Variants in KLF12 observed in about 807,000 individuals in gnomAD.
The protein encoded by KLF12 is KLF transcription factor 12, also known as Krueppel-like factor 12.
A neutral mutation model predicts 37.8 loss-of-function variants in KLF12; 9 were observed. That is an observed-to-expected ratio of 0.24 (90% CI 0.14 to 0.42). The LOEUF (loss-of-function observed/expected upper bound fraction) is 0.42, where lower values mean the gene tolerates loss of function less well. KLF12 is among the 10% of genes least tolerant of loss of function. The pLI, the probability that KLF12 is intolerant of heterozygous loss-of-function variation, is 1.00. For missense variants in KLF12, 411 were observed against 516.0 expected (o/e 0.80, Z 1.97); for synonymous variants, 208 against 202.1 (o/e 1.03, Z -0.25).
chr13:73,754,213 C>G (rs144494518), intron 6 of KLF12, among the ~76,000 whole-genome samples: 1 of 152,226 alleles, frequency 6.6e-6, no homozygotes, highest in African/African-American at 2.4e-5. Context: ...TCTTGCTACC[C>G]AGGCTTCTTT....
intron 3 of KLF12, among the ~76,000 whole-genome samples, chr13:73,911,958 T>C (rs1481736428): frequency 6.6e-6 from 1 of 152,216 alleles, no homozygotes; most frequent in African/African-American, 2.4e-5. Context: ...TAGAATAGGA[T>C]GTGTCCAGGG....
At chr13:73,750,135 A>C (rs1268662228) in intron 6 of KLF12, among the ~76,000 whole-genome samples, 1 of 152,246 alleles carries the variant, frequency 6.6e-6, no homozygotes, top group Non-Finnish European at 1.5e-5. Context: ...GATGTAACCA[A>C]TGTTTAAAGA....
chr13:74,242,189 G>A, the KLF12 span, among the ~76,000 whole-genome samples: 1 of 152,330 alleles, frequency 6.6e-6, no homozygotes, highest in South Asian at 2.1e-4. Context: ...TTGTAAGATG[G>A]ACTTTTATTT....
At chr13:74,057,760 A>G (rs1485398332) in intron 1 of KLF12, among the ~76,000 whole-genome samples, 1 of 152,160 alleles carries the variant, frequency 6.6e-6, no homozygotes, top group African/African-American at 2.4e-5. Flanking sequence ...AACATCCTGA[A>G]AGTTATTTTT....
At chr13:74,028,342 A>G (rs754609692) in intron 1 of KLF12, among the ~76,000 whole-genome samples, 7 of 152,208 alleles carry the variant, frequency 4.6e-5, no homozygotes, top group Non-Finnish European at 1.0e-4. Flanking sequence ...GCTATTATAA[A>G]CTACATTTAA....
At chr13:73,964,674 C>G (rs1412310724) in intron 2 of KLF12, among the ~76,000 whole-genome samples, 1 of 151,644 alleles carries the variant, frequency 6.6e-6, no homozygotes, top group African/African-American at 2.4e-5. Context: ...TTTGGACCCC[C>G]CAATTCTTTC....
chr13:73,718,647 C>T (rs533849269), intron 6 of KLF12, among the ~76,000 whole-genome samples: 1 of 152,288 alleles, frequency 6.6e-6, no homozygotes, highest in South Asian at 2.1e-4. Context: ...AATCCCAGCA[C>T]TTTGTGAAGC....
intron 6 of KLF12, among the ~76,000 whole-genome samples, chr13:73,717,059 G>T (rs1875871603): frequency 6.6e-6 from 1 of 152,160 alleles, no homozygotes; most frequent in Non-Finnish European, 1.5e-5. Flanking sequence ...TTTCAACACC[G>T]AGGGCCACAC....
At chr13:73,822,580 T>G (rs1448135957) in intron 4 of KLF12, among the ~76,000 whole-genome samples, 1 of 152,096 alleles carries the variant, frequency 6.6e-6, no homozygotes, top group Admixed American at 6.5e-5. Context: ...AAAATAATAA[T>G]AAAATATAAC....
chr13:73,852,648 G>A (rs573663468), intron 3 of KLF12, among the ~76,000 whole-genome samples: 5 of 151,818 alleles, frequency 3.3e-5, no homozygotes, highest in South Asian at 2.1e-4. Flanking sequence ...GTGGTGGCGC[G>A]TGCCTGTAAT....
In KLF12 at chr13:73,774,839, A is replaced by C. The variant is rs140083006; in HGVS notation, c.807-9839T>G. Among the ~76,000 whole-genome samples the C allele has an allele frequency of 2.4e-4, 36 of 152,112 alleles. No homozygotes were observed. The East Asian group carries it at 4.1e-3, about 17-fold the overall frequency. ...TCATTCAACAGTTATTATCAATAAC[A>C]ATCTATACATGTTTACAAATATAAA... On this transcript the variant is annotated intron_variant, in intron 5 of 7. Transcript: ENST00000377669.
At chr13:74,120,577 T>TA (rs1027900433) in intron 1 of KLF12, among the ~76,000 whole-genome samples, 6 of 151,704 alleles carry the variant, frequency 4.0e-5, no homozygotes, top group East Asian at 3.9e-4. Context: ...CATAAAGAAA[T>TA]AAAAAAAACC....
At chr13:74,016,004 T>TA (rs1276386569) in intron 1 of KLF12, among the ~76,000 whole-genome samples, 1 of 152,074 alleles carries the variant, frequency 6.6e-6, no homozygotes, top group Admixed American at 6.6e-5. Context: ...CATTGGTTTT[T>TA]AAAAAAAGAG....
chr13:73,937,106 C>T (rs1889969828), intron 3 of KLF12, among the ~76,000 whole-genome samples: 2 of 151,996 alleles, frequency 1.3e-5, no homozygotes. Context: ...AGGAGAATCG[C>T]TTGAACCCGG....
At chr13:74,181,712 C>CA in the KLF12 span, among the ~76,000 whole-genome samples, 1,810 of 105,638 alleles carry the variant, frequency 0.017, 34 homozygotes, top group African/African-American at 0.047. Flanking sequence ...AAAAAAAAAA[C>CA]AAAAAAAAAA....
chr13:74,276,744 C>T, the KLF12 span, among the ~76,000 whole-genome samples: 2 of 152,194 alleles, frequency 1.3e-5, no homozygotes, highest in Non-Finnish European at 1.5e-5. Context: ...CTCAGCCAAA[C>T]CCATCTGTCA....
At chr13:73,950,323 T>C (rs7324199) in intron 2 of KLF12, among the ~76,000 whole-genome samples, 135,751 of 152,230 alleles carry the variant, frequency 0.89, 60,828 homozygotes, top group Non-Finnish European at 0.94. Context: ...AAATTTACTA[T>C]TGGCATTTCC....
At chr13:74,226,956 C>T in the KLF12 span, among the ~76,000 whole-genome samples, 1 of 152,118 alleles carries the variant, frequency 6.6e-6, no homozygotes, top group Non-Finnish European at 1.5e-5. Context: ...GATTTCTTTG[C>T]CTCCAGTCTT....
the KLF12 span, among the ~76,000 whole-genome samples, chr13:74,228,739 C>T: frequency 6.6e-6 from 1 of 151,608 alleles, no homozygotes. Flanking sequence ...GAAACTGGAC[C>T]CCCAAGTCAG....
Sources: allele counts gnomAD v4.1 joint callset (sites outside exome capture counted in the v4.1 genomes callset), GRCh38; gene constraint gnomAD v4.1.1; transcripts MANE v1.5; gene names NCBI Gene and HGNC (gene_info 2026-07-23, HGNC 2026-07-21).